Variants in KDM2B observed in about 807,000 individuals in gnomAD.
KDM2B encodes lysine-specific demethylase 2B.
A neutral mutation model predicts 150.0 loss-of-function variants in KDM2B; 26 were observed. The ratio of observed to expected loss-of-function variants is 0.17; its 90% CI spans 0.13 to 0.24. The LOEUF is 0.24. Ranked by LOEUF, KDM2B falls within the 10% of genes least tolerant of loss-of-function variation. KDM2B has a pLI of 1.00. For synonymous variants in KDM2B, 734 were observed against 729.5 expected, an observed-to-expected ratio of 1.01 and a Z score of -0.10; for missense variants, 1,265 against 1,816.9, an observed-to-expected ratio of 0.70 and a Z score of 5.52.
intron 12 of KDM2B, among the ~76,000 whole-genome samples, chr12:121,484,247 C>T (rs541083414): frequency 6.6e-5 from 10 of 152,004 alleles, no homozygotes; most frequent in Non-Finnish European, 1.5e-4. Context: ...TGAGGTGCAA[C>T]TGGAACGCGT....
At position 121,443,812 on chromosome 12, in the gene KDM2B, G is replaced by C; in HGVS notation, c.2452-19C>G. On this transcript the variant is annotated intron_variant, in intron 16 of 22. Transcript: ENST00000377071. ...ATGAGGCCTAAAGGGGGGTGGAGTG[G>C]GAAGAGGAGTGACTCGCTGGTTTTC... 6.7e-7 allele frequency: 1 copy of C among 1,489,078 alleles called. No individual in the cohort carries two copies. The highest frequency in any genetic ancestry group is 9.2e-7 in the Non-Finnish European group (1 of 1,086,934). 92.2% of individuals were successfully genotyped at this position (1,489,078 alleles called of 1,614,324 possible). A position where few individuals can be genotyped will look rare whatever the true frequency, so the allele number is the denominator to read the frequency against.
chr12:121,492,277 C>T (rs1313751793), intron 12 of KDM2B, among the ~76,000 whole-genome samples: 1 of 152,082 alleles, frequency 6.6e-6, no homozygotes, highest in African/African-American at 2.4e-5. Flanking sequence ...CATTTTGTTT[C>T]AACAATATAT....
intron 9 of KDM2B, chr12:121,516,248 A>C (rs782111491): frequency 3.2e-6 from 1 of 315,230 alleles, no homozygotes; most frequent in Non-Finnish European, 6.1e-6. Flanking sequence ...CTGCTCGGAC[A>C]CCATGACCAC....
chr12:121,562,647 T>TGGA (rs782152495), intron 4 of KDM2B, among the ~76,000 whole-genome samples: 5 of 133,462 alleles, frequency 3.7e-5, no homozygotes, highest in Non-Finnish European at 7.8e-5. Flanking sequence ...GAAGAAAGCA[T>TGGA]GGAGGAGGAG....
At chr12:121,423,397 C>T in the KDM2B span, 1 of 1,606,916 alleles carries the variant, frequency 6.2e-7, no homozygotes, top group Non-Finnish European at 8.5e-7. The surrounding 1 kb of genome is among the most constrained non-coding windows in gnomAD (Gnocchi z 4.3). Flanking sequence ...TGGCGAGCGG[C>T]TGCAGCTGCA....
chr12:121,441,515 C>T (rs1232350574), intron 19 of KDM2B, among the ~76,000 whole-genome samples: 1 of 152,206 alleles, frequency 6.6e-6, no homozygotes, highest in Non-Finnish European at 1.5e-5. Flanking sequence ...CTGCTCACCA[C>T]AACCTCCGTC....
chr12:121,574,458 G>A, intron 4 of KDM2B, 89 bp downstream of exon 4: 1 of 1,280,990 alleles, frequency 7.8e-7, no homozygotes, highest in Non-Finnish European at 1.1e-6. Context: ...TTGAGAGGCA[G>A]TTAAAAGTCT....
intron 9 of KDM2B, among the ~76,000 whole-genome samples, chr12:121,517,714 G>A (rs1555305267): frequency 2.0e-5 from 3 of 151,598 alleles, no homozygotes; most frequent in African/African-American, 4.9e-5. Context: ...CAGATCATCC[G>A]CCTGCCTTGG....
Position 121,468,858 on chromosome 12 carries a change from G to C in KDM2B, c.1735-15514C>G, listed in dbSNP as rs1239066583. On this transcript the variant is annotated intron_variant, in intron 12 of 22. Coordinates refer to ENST00000377071, the MANE Select transcript of KDM2B (RefSeq NM_032590.5). This position sits in a 1 kb window ranked among gnomAD's most constrained non-coding sequence, Gnocchi z 4.0. ...ACCCACTATAGAAAAAATCCCAGTC[G>C]ACTTGCTCTTTGCCGAAACGTATCT... 1 of 152,166 alleles carries C rather than the reference G, an allele frequency of 6.6e-6. No individual in the cohort carries two copies. The highest frequency in any genetic ancestry group is 1.5e-5 in the Non-Finnish European group (1 of 68,038). 9.4% of individuals were successfully genotyped at this position (152,166 alleles called of 1,614,324 possible).
rs1887848782 is a variant in KDM2B at position 121,533,702 on chromosome 12, C to T, written c.778-743G>A. Among the ~76,000 whole-genome samples the T allele has an allele frequency of 6.6e-6, 1 of 152,196 alleles. No individual in the cohort carries two copies. The highest frequency in any genetic ancestry group is 2.1e-4 in the South Asian group (1 of 4,834). ...CCAAACCCAAGCTTCAAATCTGGCC[C>T]AAGGAGCTTTGAACACCAGACTGGG... On this transcript the variant is annotated intron_variant, in intron 7 of 22. Transcript: ENST00000377071. This position sits in a 1 kb window ranked among gnomAD's most constrained non-coding sequence, Gnocchi z 4.1.
chr12:121,473,642 C>A (rs1881009633), intron 12 of KDM2B, among the ~76,000 whole-genome samples: 1 of 146,748 alleles, frequency 6.8e-6, no homozygotes, highest in South Asian at 2.1e-4. Context: ...AAGCTTGAAC[C>A]AGGGAGGCAG....
At chr12:121,568,151 T>A (rs964966801) in intron 4 of KDM2B, among the ~76,000 whole-genome samples, 1 of 152,140 alleles carries the variant, frequency 6.6e-6, no homozygotes, top group African/African-American at 2.4e-5. Flanking sequence ...AAAGACCTGA[T>A]GAGACATTTC....
At chr12:121,516,401 T>C (rs917806962) in intron 9 of KDM2B, 23 of 974,816 alleles carry the variant, frequency 2.4e-5, no homozygotes, top group South Asian at 1.8e-4. Context: ...CAAATTTTTA[T>C]TTATTTATTT....
At chr12:121,572,582 GC>G (rs1891181820) in intron 4 of KDM2B, among the ~76,000 whole-genome samples, 1 of 152,108 alleles carries the variant, frequency 6.6e-6, no homozygotes, top group Admixed American at 6.6e-5. Context: ...CTAAAATGAA[GC>G]CCCACCACGT....
chr12:121,576,917 A>G (rs2136636373), intron 2 of KDM2B, among the ~76,000 whole-genome samples: 1 of 152,332 alleles, frequency 6.6e-6, no homozygotes, highest in Admixed American at 6.5e-5. Context: ...CTCCCCTCCG[A>G]AGAGAGACAG....
chr12:121,518,610 G>A lies in KDM2B; in HGVS notation c.1047+2375C>T, dbSNP rs1274416650. Among the ~76,000 whole-genome samples the A allele has an allele frequency of 6.6e-6, 1 of 152,192 alleles. No individual in the cohort carries two copies. The highest frequency in any genetic ancestry group is 1.5e-5 in the Non-Finnish European group (1 of 68,034). On this transcript the variant is annotated intron_variant, in intron 9 of 22. Transcript: ENST00000377071. The surrounding 1 kb of genome is among the most constrained non-coding windows in gnomAD (Gnocchi z 4.4). ...GGGTCCGGCCAGCACCCTGCCAGTC[G>A]TCATGGGTGGGGGAAGGGACCTGGG...
At chr12:121,434,360 G>A (rs1313268175) in intron 22 of KDM2B, among the ~76,000 whole-genome samples, 3 of 150,702 alleles carry the variant, frequency 2.0e-5, no homozygotes, top group African/African-American at 7.3e-5. Context: ...ACATGGCATG[G>A]TGGCACACAC....
At position 121,513,483 on chromosome 12, in the gene KDM2B, T is replaced by C; in HGVS notation, c.1048-81A>G. On this transcript the variant is annotated intron_variant, in intron 9 of 22. Coordinates refer to ENST00000377071, the MANE Select transcript of KDM2B (RefSeq NM_032590.5). This position sits in a 1 kb window ranked among gnomAD's most constrained non-coding sequence, Gnocchi z 5.0. ...GGAGGGAGAGAAGTGCGGGGCAGGC[T>C]CCCTGCAGGTGAGGGTCACTGTCAT... The C allele has an allele frequency of 1.3e-6, 2 of 1,488,558 alleles. No individual in the cohort carries two copies. The highest frequency in any genetic ancestry group is 1.9e-6 in the Non-Finnish European group (2 of 1,077,122). 92.2% of individuals were successfully genotyped at this position (1,488,558 alleles called of 1,614,324 possible).
chr12:121,555,494 A>C (rs1889822347), intron 4 of KDM2B, among the ~76,000 whole-genome samples: 1 of 152,000 alleles, frequency 6.6e-6, no homozygotes, highest in Admixed American at 6.6e-5. Flanking sequence ...TGCCTAAACC[A>C]CCAAAGTAGC....
Sources: gnomAD v4.1 joint callset for allele counts (sites outside exome capture counted in the v4.1 genomes callset) on GRCh38, gnomAD v4.1.1 for gene constraint, Gnocchi (gnomAD v3.1) non-coding constraint, MANE v1.5 for transcripts, NCBI Gene and HGNC (gene_info 2026-07-23, HGNC 2026-07-21) for gene names.